TTC39C: variants seen among roughly 807,000 people sequenced by gnomAD.
TTC39C encodes the protein tetratricopeptide repeat domain 39C.
A neutral mutation model predicts 76.3 loss-of-function variants in TTC39C; 33 were observed. That is an observed-to-expected ratio of 0.43 (90% CI 0.33 to 0.58). The LOEUF is 0.58. TTC39C is among the 20% of genes least tolerant of loss of function. The probability of loss-of-function intolerance (pLI) is 0.04; values close to 1 mark genes in which losing one functional copy is unlikely to be tolerated. For synonymous variants in TTC39C, 254 were observed against 260.6 expected (o/e 0.97, Z 0.24); for missense variants, 595 against 701.4 (o/e 0.85, Z 1.71).
intron 1 of TTC39C, among the ~76,000 whole-genome samples, chr18:24,055,353 C>T (rs906949942): frequency 2.6e-5 from 4 of 152,172 alleles, no homozygotes; most frequent in African/African-American, 4.8e-5. Context: ...CTCCCACCAA[C>T]GGTATGCAAA....
At position 24,118,113 on chromosome 18, in the gene TTC39C, T is replaced by C; in HGVS notation, c.1079-12T>C. 6.2e-7 allele frequency: 1 copy of C among 1,610,306 alleles called. No homozygotes were observed. Among genetic ancestry groups the C allele is most frequent in the Non-Finnish European group, 8.5e-7 (1 of 1,177,838 alleles). ...ACTTTAGGGTCATGTGCTAAAAATA[T>C]TTCTTTCATAGGTTGGTGCAGCATG... On this transcript the variant is annotated splice_polypyrimidine_tract_variant and intron_variant, in intron 7 of 13. Coordinates refer to ENST00000317571, the MANE Select transcript of TTC39C (RefSeq NM_001135993.2).
chr18:24,061,877 C>G (rs2084106176), intron 1 of TTC39C, among the ~76,000 whole-genome samples: 1 of 152,200 alleles, frequency 6.6e-6, no homozygotes, highest in Non-Finnish European at 1.5e-5. Context: ...GCACTCCAGC[C>G]TGGGTGACAG....
At chr18:24,100,733 T>C (rs1336567382) in intron 6 of TTC39C, among the ~76,000 whole-genome samples, 6 of 152,226 alleles carry the variant, frequency 3.9e-5, no homozygotes, top group Admixed American at 3.3e-4. Flanking sequence ...TATTTCCTAA[T>C]GGTTGCTTTC....
chr18:24,103,210 C>T (rs1272002332), intron 6 of TTC39C, among the ~76,000 whole-genome samples: 1 of 152,156 alleles, frequency 6.6e-6, no homozygotes. Context: ...GAGAATGTGG[C>T]GAAGTACAAA....
At position 24,114,652 on chromosome 18, in the gene TTC39C, A is replaced by G. The variant is rs760195200; in HGVS notation, c.1078+5A>G. On this transcript the variant is annotated splice_donor_5th_base_variant and intron_variant, in intron 7 of 13. Transcript: ENST00000317571. The stretch of plus-strand genomic sequence containing the variant: ...ATGTCTGTCTGTATGAAATTGGTAA[A>G]TATGAAATGTCTGTCCAGCCTCTTG... The G allele has an allele frequency of 6.2e-7, 1 of 1,600,328 alleles. No homozygotes were observed. Among genetic ancestry groups the G allele is most frequent in the South Asian group, 1.1e-5 (1 of 90,768 alleles).
At chr18:24,113,920 T>C in intron 6 of TTC39C, 1 of 510,490 alleles carries the variant, frequency 2.0e-6, no homozygotes, top group Non-Finnish European at 3.6e-6. Context: ...AGGGAATTTC[T>C]GAAGTGTCGG....
At chr18:23,995,232 C>T (rs2083251829) in intron 1 of TTC39C, among the ~76,000 whole-genome samples, 1 of 152,160 alleles carries the variant, frequency 6.6e-6, no homozygotes, top group African/African-American at 2.4e-5. Context: ...CTTTGGGAGG[C>T]CGAGACGGGT....
chr18:24,045,269 C>CAAAAA (rs34487224), intron 1 of TTC39C, among the ~76,000 whole-genome samples: 1,384 of 87,890 alleles, frequency 0.016, 159 homozygotes, highest in African/African-American at 0.063. Context: ...ACTCTGTCTC[C>CAAAAA]AAAAAAAAAA....
At chr18:24,052,935 A>G (rs1025583658) in intron 1 of TTC39C, among the ~76,000 whole-genome samples, 1 of 152,216 alleles carries the variant, frequency 6.6e-6, no homozygotes, top group African/African-American at 2.4e-5. Context: ...ATTACTGTGA[A>G]GTGATTTAAC....
At chr18:24,114,472 G>T (rs930076008) in intron 6 of TTC39C, 82 bp from the exon 7 acceptor site, 3 of 1,084,910 alleles carry the variant, frequency 2.8e-6, no homozygotes, top group Admixed American at 1.8e-5. Context: ...AACTATGAAG[G>T]AAAAAGATGC....
chr18:24,064,055 A>T (rs2084135114), intron 1 of TTC39C, 85 bp from the exon 2 acceptor site: 7 of 1,561,180 alleles, frequency 4.5e-6, no homozygotes, highest in Admixed American at 1.8e-5. Context: ...TTATATGGTA[A>T]TCATGATATG....
intron 6 of TTC39C, among the ~76,000 whole-genome samples, chr18:24,112,511 T>C (rs1359331024): frequency 6.6e-6 from 1 of 152,268 alleles, no homozygotes; most frequent in African/African-American, 2.4e-5. Context: ...AATGATTTGA[T>C]TGAAATACTA....
intron 1 of TTC39C, among the ~76,000 whole-genome samples, chr18:23,998,595 G>A (rs145840257): frequency 2.6e-5 from 4 of 152,136 alleles, no homozygotes; most frequent in East Asian, 3.9e-4. Context: ...GGGTGACAGA[G>A]CAAGACTCTG....
chr18:23,998,764 T>C (rs1236031718), intron 1 of TTC39C, among the ~76,000 whole-genome samples: 1 of 152,238 alleles, frequency 6.6e-6, no homozygotes, highest in Non-Finnish European at 1.5e-5. Flanking sequence ...TATATCTAAT[T>C]ATTTCTCTGG....
intron 6 of TTC39C, among the ~76,000 whole-genome samples, chr18:24,092,024 C>T (rs58862518): frequency 0.011 from 1,459 of 128,676 alleles, 35 homozygotes; most frequent in African/African-American, 0.039. Flanking sequence ...ACCTTGAAGG[C>T]GGAGCTTGCA....
chr18:24,071,347 G>C lies in TTC39C; in HGVS notation c.460+2076G>C, dbSNP rs1050249533. ...AGTTAGATAAGCAAACACAGGCCTA[G>C]TCCCTGCCCTCGTGAAGCTGAGAAT... On this transcript the variant is annotated intron_variant, in intron 4 of 13. Transcript: ENST00000317571. Among the ~76,000 whole-genome samples the C allele has an allele frequency of 5.9e-5, 9 of 152,188 alleles. 1 individual carries two copies. In the East Asian group the frequency reaches 1.3e-3, roughly 23 times the overall value.
intron 5 of TTC39C, 64 bp from the exon 6 acceptor site, chr18:24,082,849 T>A (rs1179960666): frequency 6.7e-7 from 1 of 1,499,576 alleles, no homozygotes; most frequent in Non-Finnish European, 9.0e-7. Context: ...TACTGGAGTT[T>A]TGAAAAATGG....
intron 6 of TTC39C, among the ~76,000 whole-genome samples, chr18:24,090,678 T>G (rs1471892732): frequency 6.6e-6 from 1 of 151,612 alleles, no homozygotes; most frequent in Non-Finnish European, 1.5e-5. Context: ...AAAAGAAAAC[T>G]CCACTTCCTA....
At chr18:24,113,074 G>A (rs1399463693) in intron 6 of TTC39C, among the ~76,000 whole-genome samples, 2 of 152,176 alleles carry the variant, frequency 1.3e-5, no homozygotes, top group Non-Finnish European at 2.9e-5. Flanking sequence ...CCAACTGGAC[G>A]TTAAGTTACT....
Sources: allele counts gnomAD v4.1 joint callset (sites outside exome capture counted in the v4.1 genomes callset), GRCh38; gene constraint gnomAD v4.1.1; transcripts MANE v1.5; gene names NCBI Gene and HGNC (gene_info 2026-07-23, HGNC 2026-07-21).